Variants in DIP2C observed in about 807,000 individuals in gnomAD.
DIP2C encodes disco-interacting protein 2 homolog C.
In DIP2C, 33 loss-of-function variants were observed where a neutral mutation model predicts 192.4. The ratio of observed to expected loss-of-function variants is 0.17; its 90% CI spans 0.13 to 0.23. DIP2C has a LOEUF of 0.23. Among genes scored for constraint, DIP2C ranks in the 10% least tolerant of loss-of-function variants. The probability of loss-of-function intolerance (pLI) is 1.00; values close to 1 mark genes in which losing one functional copy is unlikely to be tolerated. For synonymous variants in DIP2C, 979 were observed against 864.1 expected (o/e 1.13, Z -2.33); for missense variants, 1,537 against 2,110.1 (o/e 0.73, Z 5.32).
At position 390,874 on chromosome 10, in the gene DIP2C, AAC is replaced by A; in HGVS notation, c.1261-13_1261-12del. 6.2e-7 allele frequency: 1 copy of A among 1,613,468 alleles called. No individual in the cohort carries two copies. The highest frequency in any genetic ancestry group is 1.1e-5 in the South Asian group (1 of 91,014). The stretch of plus-strand genomic sequence containing the variant: ...CTGGCTCCCTGCGTCCTGAGAGGGC[AAC>A]AGAGAGGAGTTGAGAATCCACGACC... On this transcript the variant is annotated splice_polypyrimidine_tract_variant and intron_variant, in intron 10 of 36. Coordinates refer to ENST00000280886, the MANE Select transcript of DIP2C (RefSeq NM_014974.3).
intron 2 of DIP2C, among the ~76,000 whole-genome samples, chr10:484,086 G>A (rs1469884987): frequency 1.3e-5 from 2 of 152,192 alleles, no homozygotes; most frequent in African/African-American, 4.8e-5. Context: ...TGGGATCACA[G>A]GCGTGAGCCA....
At chr10:511,919 T>C (rs1245294085) in intron 1 of DIP2C, among the ~76,000 whole-genome samples, 3 of 152,256 alleles carry the variant, frequency 2.0e-5, no homozygotes, top group Non-Finnish European at 4.4e-5. Context: ...TGTCTGTTCC[T>C]TCTCCAGCTG....
At chr10:372,790 C>G (rs1961141956) in intron 17 of DIP2C, among the ~76,000 whole-genome samples, 1 of 151,968 alleles carries the variant, frequency 6.6e-6, no homozygotes, top group Non-Finnish European at 1.5e-5. Context: ...AGCGCGGGAG[C>G]TCCCGGCACA....
chr10:526,635 G>A lies in DIP2C; in HGVS notation c.86-40105C>T, dbSNP rs111325812. On this transcript the variant is annotated intron_variant, in intron 1 of 36. Coordinates refer to ENST00000280886, the MANE Select transcript of DIP2C (RefSeq NM_014974.3). ...GTCCTCTTTGAAGAGATGGCAGCAC[G>A]TGAAGGATCTCAAATACACATATGT... Among the ~76,000 whole-genome samples, 87 of 152,266 alleles carry A rather than the reference G, an allele frequency of 5.7e-4. 1 individual carries two copies. The highest frequency in any genetic ancestry group is 1.9e-3 in the African/African-American group (79 of 41,546).
chr10:316,314 C>G (rs920053568), intron 31 of DIP2C, among the ~76,000 whole-genome samples: 1 of 152,190 alleles, frequency 6.6e-6, no homozygotes, highest in Non-Finnish European at 1.5e-5. Context: ...AATTTACAAG[C>G]CTATGGGCAG....
intron 1 of DIP2C, among the ~76,000 whole-genome samples, chr10:540,592 C>A (rs757725891): frequency 6.6e-6 from 1 of 152,186 alleles, no homozygotes; most frequent in Non-Finnish European, 1.5e-5. Context: ...GTTTGGTAGA[C>A]CAAGTTTCAA....
chr10:649,950 C>G (rs1855749082), intron 1 of DIP2C: 2 of 612,770 alleles, frequency 3.3e-6, no homozygotes, highest in Admixed American at 5.4e-5. Flanking sequence ...ACACCATTAA[C>G]ACATCAAAAC....
At chr10:598,258 G>A (rs1387820540) in intron 1 of DIP2C, among the ~76,000 whole-genome samples, 1 of 151,762 alleles carries the variant, frequency 6.6e-6, no homozygotes, top group Non-Finnish European at 1.5e-5. Flanking sequence ...AGCTCACCCA[G>A]GAAGGTGAAA....
chr10:557,977 G>C (rs910578013), intron 1 of DIP2C, among the ~76,000 whole-genome samples: 1 of 152,034 alleles, frequency 6.6e-6, no homozygotes, highest in African/African-American at 2.4e-5. Flanking sequence ...GATGCTCCCT[G>C]GCAACCTCAC....
chr10:565,516 T>C (rs1005082595), intron 1 of DIP2C, among the ~76,000 whole-genome samples: 6 of 152,194 alleles, frequency 3.9e-5, no homozygotes, highest in African/African-American at 1.4e-4. Context: ...AGGCATATGA[T>C]GAACAATCAG....
intron 32 of DIP2C, among the ~76,000 whole-genome samples, chr10:291,591 T>G (rs941210286): frequency 6.6e-6 from 1 of 152,196 alleles, no homozygotes; most frequent in African/African-American, 2.4e-5. Context: ...CTCATAGAAA[T>G]GAAACCAGGT....
chr10:510,237 G>A (rs556741052), intron 1 of DIP2C, among the ~76,000 whole-genome samples: 13 of 152,324 alleles, frequency 8.5e-5, no homozygotes, highest in Admixed American at 4.6e-4. Context: ...GTTAGCCCCA[G>A]TTTAGAGATG....
At chr10:518,974 G>A (rs1358274982) in intron 1 of DIP2C, among the ~76,000 whole-genome samples, 4 of 152,236 alleles carry the variant, frequency 2.6e-5, no homozygotes, top group Admixed American at 2.6e-4. Context: ...TGCCAGCTCT[G>A]CATCTGCACT....
chr10:304,223 A>G (rs1956199487), intron 32 of DIP2C, among the ~76,000 whole-genome samples: 1 of 152,230 alleles, frequency 6.6e-6, no homozygotes, highest in African/African-American at 2.4e-5. Flanking sequence ...GGTTTATACT[A>G]GCATTGCCAC....
chr10:278,427 C>T (rs367782304), intron 36 of DIP2C, among the ~76,000 whole-genome samples: 5 of 139,136 alleles, frequency 3.6e-5, no homozygotes, highest in East Asian at 2.1e-4. Context: ...CTTCTCCTGG[C>T]GTGCCTGTGC....
chr10:606,187 G>C (rs1002604564), intron 1 of DIP2C, among the ~76,000 whole-genome samples: 5 of 152,204 alleles, frequency 3.3e-5, no homozygotes, highest in Admixed American at 6.5e-5. Context: ...CATAAACCCT[G>C]GGCTGGGGTG....
chr10:449,796 A>G (rs911527552), intron 3 of DIP2C, among the ~76,000 whole-genome samples: 3 of 140,278 alleles, frequency 2.1e-5, no homozygotes, highest in Middle Eastern at 3.5e-3. Flanking sequence ...AAAAAAAAAA[A>G]AAGAAGTAAA....
chr10:384,853 G>A (rs549291368), intron 14 of DIP2C, among the ~76,000 whole-genome samples: 3 of 151,742 alleles, frequency 2.0e-5, no homozygotes, highest in Non-Finnish European at 4.4e-5. Context: ...AGCTCTCAGT[G>A]AGTGCCATGG....
At chr10:378,585 G>A (rs967059112) in intron 17 of DIP2C, among the ~76,000 whole-genome samples, 19 of 87,726 alleles carry the variant, frequency 2.2e-4, no homozygotes, top group East Asian at 5.4e-4. Flanking sequence ...ACATGTGAAC[G>A]CAGACATAGA....
Sources: gnomAD v4.1 joint callset for allele counts (sites outside exome capture counted in the v4.1 genomes callset) on GRCh38, gnomAD v4.1.1 for gene constraint, MANE v1.5 for transcripts, NCBI Gene and HGNC (gene_info 2026-07-23, HGNC 2026-07-21) for gene names.